KCNJ15: variants seen among roughly 807,000 people sequenced by gnomAD.
KCNJ15 encodes ATP-sensitive inward rectifier potassium channel 15.
A neutral mutation model predicts 23.0 loss-of-function variants in KCNJ15; 14 were observed. The ratio of observed to expected loss-of-function variants is 0.61; its 90% CI spans 0.40 to 0.95. The LOEUF (loss-of-function observed/expected upper bound fraction) is 0.95, where lower values mean the gene tolerates loss of function less well. KCNJ15 is among the 40% of genes least tolerant of loss of function. KCNJ15 has a pLI of 0.00. For synonymous variants in KCNJ15, 185 were observed against 183.2 expected (o/e 1.01, Z -0.08); for missense variants, 388 against 461.8 (o/e 0.84, Z 1.46).
intron 1 of KCNJ15, among the ~76,000 whole-genome samples, chr21:38,290,455 C>T (rs1374847746): frequency 6.6e-6 from 1 of 152,154 alleles, no homozygotes; most frequent in South Asian, 2.1e-4. Flanking sequence ...TGCATTATTA[C>T]ATGCTCACAT....
In KCNJ15 at chr21:38,304,813, C is replaced by CT. The variant is rs1379638989; in HGVS notation, c.*4425dup. The CT allele has an allele frequency of 6.8e-6, 1 of 147,778 alleles. No homozygotes were observed. Among genetic ancestry groups the CT allele is most frequent in the Non-Finnish European group, 1.5e-5 (1 of 66,912 alleles). 9.2% of individuals were successfully genotyped at this position (147,778 alleles called of 1,614,324 possible). A position where few individuals can be genotyped will look rare whatever the true frequency, so the allele number is the denominator to read the frequency against. ...CCCTCAGCCTCCCGAGTAGCTGGGA[C>CT]TACAGGCGCTCGCCACCATGCCCGG... On this transcript the variant is annotated 3_prime_UTR_variant, in exon 3 of 3. Transcript: ENST00000398938.
At chr21:38,252,265 A>G (rs541528472), upstream of KCNJ15, among the ~76,000 whole-genome samples, 6 of 152,256 alleles carry the variant, frequency 3.9e-5, no homozygotes, top group East Asian at 3.9e-4. Context: ...GTCTCCACCT[A>G]TGGAAATCTT....
At chr21:38,239,590 T>C (rs2123551129) in intron 1 of KCNJ15, among the ~76,000 whole-genome samples, 1 of 152,300 alleles carries the variant, frequency 6.6e-6, no homozygotes, top group African/African-American at 2.4e-5. Flanking sequence ...CTAGGAAAAC[T>C]AATTAGAAAT....
chr21:38,268,013 T>C (rs572050282), intron 1 of KCNJ15, among the ~76,000 whole-genome samples: 1 of 152,322 alleles, frequency 6.6e-6, no homozygotes, highest in East Asian at 1.9e-4. Flanking sequence ...ACAGGTTGAA[T>C]ACCTGGTTTT....
rs2146353598 is a variant in KCNJ15, at chr21:38,299,368, G to A, written c.107G>A (p.Ser36Asn). 2 of 1,614,196 alleles carry A rather than the reference G, an allele frequency of 1.2e-6. No individual in the cohort carries two copies. Among genetic ancestry groups the A allele is most frequent in the Middle Eastern group, 1.6e-4 (1 of 6,062 alleles). Residue 36 changes from serine (S) to asparagine (N), a missense_variant, in exon 3 of 3, where the codon AGC becomes AAC. Coordinates refer to ENST00000398938, the MANE Select transcript of KCNJ15 (RefSeq NM_170736.3). The surrounding 1 kb of genome is among the most constrained non-coding windows in gnomAD (Gnocchi z 4.5). ...CGCGTCATGTCCAAGAGTGGGCACA[G>A]CAACGTGAGAATTGACAAAGTGGAT... Reference protein sequence around the residue: ...RPRVMSKSGHSNVRIDKVDGI... With the variant: ...RPRVMSKSGHNNVRIDKVDGI...
chr21:38,247,795 A>G (rs775330487), intron 1 of KCNJ15, among the ~76,000 whole-genome samples: 22 of 152,210 alleles, frequency 1.4e-4, no homozygotes, highest in Non-Finnish European at 2.6e-4. Flanking sequence ...TATGTTCCCC[A>G]TAAACATTCA....
At chr21:38,279,027 G>T (rs534220422) in intron 1 of KCNJ15, among the ~76,000 whole-genome samples, 2 of 152,298 alleles carry the variant, frequency 1.3e-5, no homozygotes, top group African/African-American at 4.8e-5. Flanking sequence ...AAAGTATGTG[G>T]ATCTAAACCA....
chr21:38,266,283 C>T (rs967024245), intron 1 of KCNJ15, among the ~76,000 whole-genome samples: 2 of 152,178 alleles, frequency 1.3e-5, no homozygotes, highest in Non-Finnish European at 2.9e-5. Flanking sequence ...GCTCTCCCTC[C>T]TCTAGCTTCC....
intron 1 of KCNJ15, among the ~76,000 whole-genome samples, chr21:38,245,725 AAG>A (rs1382373987): frequency 2.6e-5 from 4 of 151,720 alleles, no homozygotes; most frequent in African/African-American, 9.7e-5. Flanking sequence ...AAGAGAGAGA[AAG>A]AGAAAGGAAG....
At chr21:38,263,904 T>TACACACAC (rs58793003) in intron 1 of KCNJ15, among the ~76,000 whole-genome samples, 1 of 150,152 alleles carries the variant, frequency 6.7e-6, no homozygotes, top group Non-Finnish European at 1.5e-5. Flanking sequence ...CAAAGATACA[T>TACACACAC]ACACACACAC....
upstream of KCNJ15, among the ~76,000 whole-genome samples, chr21:38,252,245 A>G (rs1043631407): frequency 6.6e-6 from 1 of 152,100 alleles, no homozygotes; most frequent in Admixed American, 6.6e-5. Flanking sequence ...AATGTCAACA[A>G]CCCTACTTTG....
intron 1 of KCNJ15, among the ~76,000 whole-genome samples, chr21:38,260,713 G>T (rs778556778): frequency 6.6e-6 from 1 of 152,176 alleles, no homozygotes. Flanking sequence ...CACCCGATTC[G>T]TTTCCAGTAG....
intron 1 of KCNJ15, among the ~76,000 whole-genome samples, chr21:38,296,091 ATGAT>A (rs1395573785): frequency 3.9e-5 from 6 of 152,216 alleles, no homozygotes; most frequent in African/African-American, 1.2e-4. Context: ...AGACAGATGG[ATGAT>A]TGATAGATAG....
chr21:38,273,976 A>T (rs1336964812), intron 1 of KCNJ15, among the ~76,000 whole-genome samples: 1 of 152,220 alleles, frequency 6.6e-6, no homozygotes, highest in Non-Finnish European at 1.5e-5. Context: ...GGATTCCACG[A>T]GTTGATGAGC....
At chr21:38,279,655 G>A (rs1983114569) in intron 1 of KCNJ15, among the ~76,000 whole-genome samples, 1 of 152,134 alleles carries the variant, frequency 6.6e-6, no homozygotes, top group Non-Finnish European at 1.5e-5. Flanking sequence ...TAATCACCCA[G>A]CCCTCAAGGA....
At chr21:38,233,950 G>A (rs1978435172) in intron 1 of KCNJ15, among the ~76,000 whole-genome samples, 1 of 146,410 alleles carries the variant, frequency 6.8e-6, no homozygotes. Context: ...GAGAAGAAAG[G>A]AGAGAAATAC....
At chr21:38,245,477 A>G (rs1225505615) in intron 1 of KCNJ15, among the ~76,000 whole-genome samples, 1 of 152,060 alleles carries the variant, frequency 6.6e-6, no homozygotes, top group Non-Finnish European at 1.5e-5. Context: ...CTGCCTTCCA[A>G]TCTCTTCAGC....
At chr21:38,278,032 A>G (rs1394992939) in intron 1 of KCNJ15, among the ~76,000 whole-genome samples, 1 of 152,236 alleles carries the variant, frequency 6.6e-6, no homozygotes. Flanking sequence ...TTCCGTCTGC[A>G]TCACGCATCA....
At chr21:38,248,054 A>G (rs1240795395) in intron 1 of KCNJ15, among the ~76,000 whole-genome samples, 2 of 152,174 alleles carry the variant, frequency 1.3e-5, no homozygotes, top group Non-Finnish European at 2.9e-5. Context: ...TCAAGTAAAC[A>G]TTTTCACTGT....
Sources: gnomAD v4.1 joint callset for allele counts (sites outside exome capture counted in the v4.1 genomes callset) on GRCh38, gnomAD v4.1.1 for gene constraint, Gnocchi (gnomAD v3.1) non-coding constraint, MANE v1.5 for transcripts, NCBI Gene and HGNC (gene_info 2026-07-23, HGNC 2026-07-21) for gene names.